The following PARD3B variants were observed in gnomAD, a reference collection of about 807,000 sequenced individuals.
The protein encoded by PARD3B is partitioning defective 3 homolog B.
In PARD3B, 103 loss-of-function variants were observed where a neutral mutation model predicts 130.2. That is an observed-to-expected ratio of 0.79 (90% CI 0.67 to 0.93). PARD3B has a LOEUF of 0.93. PARD3B is among the 40% of genes least tolerant of loss of function. The probability of loss-of-function intolerance (pLI) is 0.00; values close to 1 mark genes in which losing one functional copy is unlikely to be tolerated. For missense variants in PARD3B, 1,609 were observed against 1,499.2 expected (o/e 1.07, Z -1.21); for synonymous variants, 583 against 553.2 (o/e 1.05, Z -0.76).
rs374931069 is a variant in PARD3B, at chr2:205,229,664, G to A, written c.2141-16114G>A. ...CTAGGCTCACAGTAACCACTGCCTG[G>A]CTACCACCTACATTTGCTTAGGACA... On this transcript the variant is annotated intron_variant, in intron 15 of 22. Coordinates refer to ENST00000406610, the MANE Select transcript of PARD3B (RefSeq NM_001302769.2). The surrounding 1 kb of genome is among the most constrained non-coding windows in gnomAD (Gnocchi z 5.2). Among the ~76,000 whole-genome samples the A allele has an allele frequency of 1.3e-5, 2 of 151,978 alleles. No homozygotes were observed. The highest frequency in any genetic ancestry group is 2.1e-4 in the South Asian group (1 of 4,822).
intron 2 of PARD3B, among the ~76,000 whole-genome samples, chr2:204,863,644 C>T (rs1199270649): frequency 6.6e-6 from 1 of 152,154 alleles, no homozygotes; most frequent in Non-Finnish European, 1.5e-5. Flanking sequence ...GACTGACTTG[C>T]AAATAAACTT....
At chr2:204,579,823 A>G (rs1407034815) in intron 1 of PARD3B, among the ~76,000 whole-genome samples, 4 of 152,220 alleles carry the variant, frequency 2.6e-5, no homozygotes, top group Non-Finnish European at 5.9e-5. Flanking sequence ...TTAGATTACC[A>G]TACACTCATC....
intron 15 of PARD3B, among the ~76,000 whole-genome samples, chr2:205,234,788 CTA>C (rs2038991256): frequency 1.3e-5 from 2 of 151,838 alleles, no homozygotes; most frequent in Admixed American, 1.3e-4. Flanking sequence ...GCATTCTGGA[CTA>C]TTAAAAAGTC....
At chr2:204,924,875 T>C (rs1687474642) in intron 2 of PARD3B, among the ~76,000 whole-genome samples, 1 of 152,054 alleles carries the variant, frequency 6.6e-6, no homozygotes, top group African/African-American at 2.4e-5. Flanking sequence ...AAAAACTGTA[T>C]ATTGAGCAGG....
At chr2:205,137,529 T>C (rs1048357545) in intron 10 of PARD3B, among the ~76,000 whole-genome samples, 1 of 152,248 alleles carries the variant, frequency 6.6e-6, no homozygotes, top group Non-Finnish European at 1.5e-5. Flanking sequence ...ATAAGTTCTA[T>C]GTTTTAGTTA....
At chr2:204,555,116 T>G (rs905210361) in intron 1 of PARD3B, among the ~76,000 whole-genome samples, 10 of 152,196 alleles carry the variant, frequency 6.6e-5, no homozygotes, top group African/African-American at 2.4e-4. Flanking sequence ...ATTTCGCACA[T>G]GTGGTAAGAA....
intron 6 of PARD3B, among the ~76,000 whole-genome samples, chr2:205,115,345 G>T (rs1703948958): frequency 6.6e-6 from 1 of 152,090 alleles, no homozygotes; most frequent in African/African-American, 2.4e-5. Context: ...CCTTGAGCAA[G>T]TCCCCTAAAC....
intron 3 of PARD3B, among the ~76,000 whole-genome samples, chr2:205,033,903 G>A (rs1433237613): frequency 3.3e-5 from 5 of 152,162 alleles, no homozygotes; most frequent in African/African-American, 9.7e-5. Flanking sequence ...GATTGAGTCA[G>A]TATCTCTGTG....
chr2:205,206,711 T>C lies in PARD3B; in HGVS notation c.2140+13391T>C, dbSNP rs558339530. ...TGTGTCTTTATAGCAGCATGCTTTATAGTCCTTTGGGTATATACCCAGTAA... is the reference window on the plus strand; with the variant it reads ...TGTGTCTTTATAGCAGCATGCTTTACAGTCCTTTGGGTATATACCCAGTAA... On this transcript the variant is annotated intron_variant, in intron 15 of 22. Coordinates refer to ENST00000406610, the MANE Select transcript of PARD3B (RefSeq NM_001302769.2). 2.1e-4 allele frequency among the ~76,000 whole-genome samples: 32 copies of C among 152,212 alleles called. 1 individual carries two copies. The highest frequency in any genetic ancestry group is 7.7e-4 in the African/African-American group (32 of 41,528).
chr2:204,913,919 A>T (rs1460373362), intron 2 of PARD3B, among the ~76,000 whole-genome samples: 1 of 152,256 alleles, frequency 6.6e-6, no homozygotes, highest in Non-Finnish European at 1.5e-5. Context: ...TGAAAACATT[A>T]CCAAGACACT....
intron 1 of PARD3B, among the ~76,000 whole-genome samples, chr2:204,595,679 C>T (rs77278897): frequency 0.016 from 2,439 of 152,256 alleles, 33 homozygotes; most frequent in Middle Eastern, 0.075. Flanking sequence ...CACTTTGGAG[C>T]TGAGGAAATG....
intron 20 of PARD3B, among the ~76,000 whole-genome samples, chr2:205,464,519 G>A (rs1450324460): frequency 2.6e-5 from 4 of 152,152 alleles, no homozygotes; most frequent in Non-Finnish European, 5.9e-5. Flanking sequence ...AGAGAGGGGG[G>A]TTAGGAATCT....
rs2044043873 is a variant in PARD3B, at chr2:205,352,865, G to T, written c.2631-48148G>T. ...GCATTTCATCATAAAATTCAGAAGTGCCCTATTATATTAGGAAAGAATAAC... is the reference window on the plus strand; with the variant it reads ...GCATTTCATCATAAAATTCAGAAGTTCCCTATTATATTAGGAAAGAATAAC... On this transcript the variant is annotated intron_variant, in intron 18 of 22. Coordinates refer to ENST00000406610, the MANE Select transcript of PARD3B (RefSeq NM_001302769.2). This position sits in a 1 kb window ranked among gnomAD's most constrained non-coding sequence, Gnocchi z 5.2. 6.6e-6 allele frequency among the ~76,000 whole-genome samples: 1 copy of T among 152,128 alleles called. No individual in the cohort carries two copies. The highest frequency in any genetic ancestry group is 2.1e-4 in the South Asian group (1 of 4,832).
chr2:204,693,988 G>A lies in PARD3B; in HGVS notation c.222+7706G>A, dbSNP rs184692680. ...AAATAATTACAGTCAATGAATGAACGTATGCTTTGAGGTTTTGAATAAGCC... is the reference window on the plus strand; with the variant it reads ...AAATAATTACAGTCAATGAATGAACATATGCTTTGAGGTTTTGAATAAGCC... On this transcript the variant is annotated intron_variant, in intron 2 of 22. Coordinates refer to ENST00000406610, the MANE Select transcript of PARD3B (RefSeq NM_001302769.2). 2.8e-4 allele frequency among the ~76,000 whole-genome samples: 42 copies of A among 152,140 alleles called. 1 individual carries two copies. The East Asian group carries it at 6.0e-3, about 22-fold the overall frequency.
chr2:204,852,637 T>C (rs1363918969), intron 2 of PARD3B, among the ~76,000 whole-genome samples: 1 of 150,598 alleles, frequency 6.6e-6, no homozygotes, highest in Non-Finnish European at 1.5e-5. Flanking sequence ...GCGTTGTGCC[T>C]TTGGTCTCAG....
intron 2 of PARD3B, among the ~76,000 whole-genome samples, chr2:204,940,299 C>T (rs72940468): frequency 0.015 from 2,323 of 152,158 alleles, 31 homozygotes; most frequent in Admixed American, 0.025. Flanking sequence ...TTGTTTCTTC[C>T]CTGAAAAATG....
At chr2:204,660,728 T>C (rs775554516) in intron 1 of PARD3B, among the ~76,000 whole-genome samples, 1 of 152,196 alleles carries the variant, frequency 6.6e-6, no homozygotes, top group Non-Finnish European at 1.5e-5. Context: ...CTCTGTGAAA[T>C]TATTTTTTTG....
chr2:205,580,653 C>G (rs370344124), intron 22 of PARD3B, among the ~76,000 whole-genome samples: 9 of 152,146 alleles, frequency 5.9e-5, no homozygotes, highest in African/African-American at 2.2e-4. Flanking sequence ...TATATGACTG[C>G]AGGTTTTAAA....
At chr2:205,581,257 T>TATAGATAGATATAGATATAG (rs1553552260) in intron 22 of PARD3B, among the ~76,000 whole-genome samples, 2 of 120,928 alleles carry the variant, frequency 1.7e-5, no homozygotes, top group Non-Finnish European at 3.5e-5. Flanking sequence ...TATAGATATA[T>TATAGATAGATATAGATATAG]ATAGATATAG....
Sources: gnomAD v4.1 joint callset for allele counts (sites outside exome capture counted in the v4.1 genomes callset) on GRCh38, gnomAD v4.1.1 for gene constraint, Gnocchi (gnomAD v3.1) non-coding constraint, MANE v1.5 for transcripts, NCBI Gene and HGNC (gene_info 2026-07-23, HGNC 2026-07-21) for gene names.